The following RSBN1L variants were observed in gnomAD, a reference collection of about 807,000 sequenced individuals.
RSBN1L encodes the protein round spermatid basic protein 1 like, also known as lysine-specific demethylase RSBN1L.
Under a neutral mutation model 67.7 loss-of-function variants are expected in RSBN1L, and 30 were observed. The observed-to-expected ratio is 0.44, with a 90% confidence interval of 0.33 to 0.60. The LOEUF (loss-of-function observed/expected upper bound fraction) is 0.60. Ranked by LOEUF, RSBN1L falls within the 20% of genes least tolerant of loss-of-function variation. The pLI, the probability that RSBN1L is intolerant of heterozygous loss-of-function variation, is 0.02. For synonymous variants in RSBN1L, 433 were observed against 387.0 expected (o/e 1.12, Z -1.39); for missense variants, 992 against 1,031.7 (o/e 0.96, Z 0.53).
In RSBN1L at chr7:77,709,001, C is replaced by CAAT. The variant is rs758139790; in HGVS notation, c.586+11947_586+11948insATA. Among the ~76,000 whole-genome samples, 113 of 152,202 alleles carry CAAT rather than the reference C, an allele frequency of 7.4e-4. 1 individual carries two copies. Among genetic ancestry groups the CAAT allele is most frequent in the Middle Eastern group, 6.8e-3 (2 of 294 alleles). ...CTTCAGATGAAGAGAATAAGCATAT[C>CAAT]ACTGAAGAATTGAGAGTTGGCCCAC... On this transcript the variant is annotated intron_variant, in intron 1 of 7. Coordinates refer to ENST00000334955, the MANE Select transcript of RSBN1L (RefSeq NM_198467.3).
At chr7:77,719,394 G>A (rs559513069) in intron 1 of RSBN1L, among the ~76,000 whole-genome samples, 6 of 152,286 alleles carry the variant, frequency 3.9e-5, no homozygotes, top group African/African-American at 1.4e-4. Context: ...TAAGAACTAT[G>A]TATATGATTT....
chr7:77,738,090 T>A (rs1791360326), intron 2 of RSBN1L, among the ~76,000 whole-genome samples: 1 of 144,386 alleles, frequency 6.9e-6, no homozygotes, highest in Non-Finnish European at 1.5e-5. Context: ...CCAATAGCCA[T>A]TTTTTTTTCT....
At chr7:77,740,980 C>A (rs796484044) in intron 2 of RSBN1L, among the ~76,000 whole-genome samples, 1 of 131,812 alleles carries the variant, frequency 7.6e-6, no homozygotes, top group East Asian at 2.2e-4. Flanking sequence ...TTTTTCTTTT[C>A]TTTTCTTTTT....
At chr7:77,739,606 G>A (rs536918571) in intron 2 of RSBN1L, among the ~76,000 whole-genome samples, 16 of 148,024 alleles carry the variant, frequency 1.1e-4, no homozygotes, top group South Asian at 6.5e-4. Context: ...CCAGCTACTC[G>A]TGAGGCTGAG....
intron 1 of RSBN1L, among the ~76,000 whole-genome samples, chr7:77,703,427 G>C (rs1376858986): frequency 7.3e-6 from 1 of 136,394 alleles, no homozygotes; most frequent in Admixed American, 7.8e-5. Context: ...GTATCTCCTA[G>C]TTATGTCAGA....
At chr7:77,742,790 A>G (rs1000736832) in intron 2 of RSBN1L, among the ~76,000 whole-genome samples, 8 of 152,172 alleles carry the variant, frequency 5.3e-5, no homozygotes, top group African/African-American at 1.9e-4. Context: ...CTGTGAGCCG[A>G]TTGCACGATT....
Position 77,720,763 on chromosome 7 carries a change from C to CTT in RSBN1L, c.587-15628_587-15627dup, listed in dbSNP as rs34070122. Among the ~76,000 whole-genome samples the CTT allele has an allele frequency of 6.1e-3, 633 of 104,336 alleles. 11 individuals carry two copies. Among genetic ancestry groups the CTT allele is most frequent in the African/African-American group, 0.022 (552 of 25,042 alleles). The allele number at this position is 104,336 out of a possible 152,430, so 68.4% of individuals were successfully genotyped here. ...TTTCTTTCTTTTTCATTTTCTTTTT[C>CTT]TTTTTTTTTTTTTTTTTTTTGAGAC... On this transcript the variant is annotated intron_variant, in intron 1 of 7. Transcript: ENST00000334955.
chr7:77,743,086 C>G (rs1791434881), intron 2 of RSBN1L, among the ~76,000 whole-genome samples: 1 of 151,412 alleles, frequency 6.6e-6, no homozygotes, highest in South Asian at 2.1e-4. Context: ...CAAGGTCTTA[C>G]TCTGTTGCCA....
In RSBN1L at chr7:77,781,275, G is replaced by A. The variant is rs1370797454; in HGVS notation, c.*2107G>A. 4 of 152,236 alleles carry A rather than the reference G, an allele frequency of 2.6e-5. No homozygotes were observed. The highest frequency in any genetic ancestry group is 1.9e-4 in the East Asian group (1 of 5,192). 9.4% of individuals were successfully genotyped at this position (152,236 alleles called of 1,614,324 possible). On this transcript the variant is annotated 3_prime_UTR_variant, in exon 8 of 8. Coordinates refer to ENST00000334955, the MANE Select transcript of RSBN1L (RefSeq NM_198467.3). ...GAAGGTATAAATCAAGATAGTAAGG[G>A]TTTTGTTTTATATGTCATTGTCTTA... is the stretch of plus-strand genomic sequence containing the variant.
chr7:77,704,930 C>T (rs2150411724), intron 1 of RSBN1L, among the ~76,000 whole-genome samples: 1 of 151,956 alleles, frequency 6.6e-6, no homozygotes, highest in East Asian at 1.9e-4. Flanking sequence ...CAAGATGGCA[C>T]CATTGCACTT....
At chr7:77,727,782 T>C (rs1342780001) in intron 1 of RSBN1L, among the ~76,000 whole-genome samples, 1 of 152,196 alleles carries the variant, frequency 6.6e-6, no homozygotes, top group Non-Finnish European at 1.5e-5. Flanking sequence ...ACCACTTTTA[T>C]AACCTAGCTT....
At chr7:77,758,329 T>TTTGGG (rs1291507536) in intron 3 of RSBN1L, among the ~76,000 whole-genome samples, 29 of 152,322 alleles carry the variant, frequency 1.9e-4, no homozygotes, top group African/African-American at 6.7e-4. Flanking sequence ...GTGCTCGGCC[T>TTTGGG]ATTTAAAAAA....
chr7:77,707,917 T>C (rs1790916652), intron 1 of RSBN1L, among the ~76,000 whole-genome samples: 1 of 152,172 alleles, frequency 6.6e-6, no homozygotes, highest in Non-Finnish European at 1.5e-5. Context: ...TTTATATAAT[T>C]TTCACAAGTC....
chr7:77,707,534 T>C (rs1472424379), intron 1 of RSBN1L, among the ~76,000 whole-genome samples: 2 of 152,204 alleles, frequency 1.3e-5, no homozygotes, highest in Non-Finnish European at 2.9e-5. Context: ...CCTGTAGATA[T>C]TTAACTCAGA....
chr7:77,739,119 G>A (rs1034718103), intron 2 of RSBN1L, among the ~76,000 whole-genome samples: 5 of 152,078 alleles, frequency 3.3e-5, no homozygotes, highest in Non-Finnish European at 7.4e-5. Context: ...TTAGTATGTG[G>A]GGCCATTTCC....
At chr7:77,725,739 C>T (rs1240178584) in intron 1 of RSBN1L, among the ~76,000 whole-genome samples, 6 of 151,916 alleles carry the variant, frequency 3.9e-5, no homozygotes, top group Admixed American at 2.6e-4. Context: ...TACAGGCATG[C>T]GCCACCATGC....
intron 1 of RSBN1L, among the ~76,000 whole-genome samples, chr7:77,703,386 T>G (rs1790843340): frequency 6.6e-6 from 1 of 152,058 alleles, no homozygotes; most frequent in Non-Finnish European, 1.5e-5. Context: ...GCTTTTTGTC[T>G]TTATACATTG....
Position 77,696,992 on chromosome 7 carries a change from G to T in RSBN1L, c.523G>T (p.Gly175Trp), listed in dbSNP as rs1474167295. 1.3e-6 allele frequency: 2 copies of T among 1,542,950 alleles called. No individual in the cohort carries two copies. The highest frequency in any genetic ancestry group is 1.7e-6 in the Non-Finnish European group (2 of 1,151,690). ...GGAGAGGAGGAGGCACGGTCTCGGT[G>T]GGGCCCGAGAGGCCGGCGGGGCCTC... ...EKERRRHGLG[G>W]AREAGGASRE... is the part of the protein sequence containing the mutation. Residue 175 changes from glycine to tryptophan, a missense_variant, in exon 1 of 8, where the codon GGG becomes TGG. Around this residue, in one of 7 missense-constraint regions of RSBN1L, gnomAD observed 575 missense variants for 483.2 expected, o/e 1.19. Coordinates refer to ENST00000334955, the MANE Select transcript of RSBN1L (RefSeq NM_198467.3).
Position 77,765,517 on chromosome 7 carries a change from G to A in RSBN1L, c.1367G>A (p.Gly456Asp). The change falls in exon 4 of 8, where the codon GGT (glycine) becomes GAT (aspartate). Residue 456 changes from glycine to aspartate, a missense_variant. By Grantham distance (94) the Gly-to-Asp change is moderately conservative. Around this residue, in one of 7 missense-constraint regions of RSBN1L, gnomAD observed 63 missense variants for 84.8 expected, o/e 0.74. Transcript: ENST00000334955. ...CAGGTAAAAAGAACGTATTCTCATG[G>A]TACTTACAGAGCTGGCCCAATGAGA... ...HAQVKRTYSH[G>D]TYRAGPMRQI... is the part of the protein sequence containing the mutation. The A allele has an allele frequency of 6.3e-7, 1 of 1,596,448 alleles. No individual in the cohort carries two copies. The highest frequency in any genetic ancestry group is 2.2e-5 in the East Asian group (1 of 44,618).
Sources: gnomAD v4.1 joint callset for allele counts (sites outside exome capture counted in the v4.1 genomes callset) on GRCh38, gnomAD v4.1.1 for gene constraint, gnomAD v4.1.1 regional missense constraint, MANE v1.5 for transcripts, NCBI Gene and HGNC (gene_info 2026-07-23, HGNC 2026-07-21) for gene names.